LAMA2: variants seen among roughly 807,000 people sequenced by gnomAD.
LAMA2 encodes the protein laminin subunit alpha 2, also known as laminin subunit alpha-2.
A neutral mutation model predicts 364.8 loss-of-function variants in LAMA2; 269 were observed. The ratio of observed to expected loss-of-function variants is 0.74; its 90% CI spans 0.67 to 0.82. The LOEUF is 0.82. LAMA2 is among the 40% of genes least tolerant of loss of function. The pLI, the probability that LAMA2 is intolerant of heterozygous loss-of-function variation, is 0.00. For synonymous variants in LAMA2, 1,379 were observed against 1,370.6 expected, an observed-to-expected ratio of 1.01 and a Z score of -0.14; for missense variants, 3,807 against 3,873.2, an observed-to-expected ratio of 0.98 and a Z score of 0.45.
chr6:129,022,230 G>C (rs528887922), intron 1 of LAMA2, among the ~76,000 whole-genome samples: 87 of 152,290 alleles, frequency 5.7e-4, no homozygotes, highest in African/African-American at 1.9e-3. Context: ...AGAAAAGAAA[G>C]CAATCTTTCA....
chr6:129,060,659 AGGTCAT>A (rs1788841859), intron 3 of LAMA2, among the ~76,000 whole-genome samples: 1 of 152,190 alleles, frequency 6.6e-6, no homozygotes, highest in African/African-American at 2.4e-5. Flanking sequence ...TACACTGTAA[AGGTCAT>A]GGTTTTTATA....
intron 9 of LAMA2, among the ~76,000 whole-genome samples, chr6:129,173,312 A>G (rs997936688): frequency 1.3e-5 from 2 of 152,358 alleles, no homozygotes; most frequent in South Asian, 2.1e-4. Context: ...GAAGAAATGT[A>G]TCATTCACAA....
Position 129,453,279 on chromosome 6 carries a change from C to A in LAMA2, c.6573+148C>A, listed in dbSNP as rs1782781935. 6.8e-6 allele frequency: 5 copies of A among 738,968 alleles called. No homozygotes were observed. In the Admixed American group the frequency reaches 1.1e-4, roughly 17 times the overall value. 45.8% of individuals were successfully genotyped at this position (738,968 alleles called of 1,614,324 possible). On this transcript the variant is annotated intron_variant, in intron 46 of 64. Coordinates refer to ENST00000421865, the MANE Select transcript of LAMA2 (RefSeq NM_000426.4). The stretch of plus-strand genomic sequence containing the variant: ...TTGAAAACCTCAACGTCTTACCTTA[C>A]AAAATTCTGAAGAGTCAAATTAAGT...
chr6:129,208,925 A>G (rs1436406932), intron 12 of LAMA2, among the ~76,000 whole-genome samples: 2 of 152,216 alleles, frequency 1.3e-5, no homozygotes, highest in African/African-American at 4.8e-5. Flanking sequence ...ATGATCTGGT[A>G]GGACAGTAAA....
At chr6:129,419,088 G>A (rs2114725814) in intron 40 of LAMA2, among the ~76,000 whole-genome samples, 1 of 151,654 alleles carries the variant, frequency 6.6e-6, no homozygotes, top group South Asian at 2.1e-4. Context: ...CTCTCATTTG[G>A]GTCAATAATT....
At chr6:129,315,049 C>T (rs1311477178) in intron 24 of LAMA2, among the ~76,000 whole-genome samples, 1 of 151,996 alleles carries the variant, frequency 6.6e-6, no homozygotes, top group Non-Finnish European at 1.5e-5. Context: ...GAACCTTGTC[C>T]GGGAAGCATT....
intron 35 of LAMA2, among the ~76,000 whole-genome samples, chr6:129,388,729 A>G (rs543731060): frequency 1.3e-5 from 2 of 152,326 alleles, no homozygotes; most frequent in Admixed American, 6.5e-5. Context: ...AAGAAAAAAC[A>G]TACAGCTTTA....
chr6:129,115,789 G>A (rs549750722), intron 4 of LAMA2, among the ~76,000 whole-genome samples: 33 of 152,164 alleles, frequency 2.2e-4, no homozygotes, highest in African/African-American at 7.7e-4. Context: ...TTTAGTTTCC[G>A]CATCTAAGAA....
chr6:129,296,866 C>A (rs1057490820), intron 20 of LAMA2, among the ~76,000 whole-genome samples: 1 of 152,020 alleles, frequency 6.6e-6, no homozygotes. Context: ...ATTTTTTAAT[C>A]CATCAGCATT....
At chr6:129,317,147 G>C (rs1209832901) in intron 27 of LAMA2, among the ~76,000 whole-genome samples, 1 of 152,066 alleles carries the variant, frequency 6.6e-6, no homozygotes, top group Non-Finnish European at 1.5e-5. Context: ...TATCCAATGG[G>C]ATAAAATGAG....
chr6:129,454,199 C>T lies in LAMA2; in HGVS notation c.6618C>T (p.Phe2206=), dbSNP rs746114691. ...AIEMRKGKVS[F]LWDVGSGVGR... ...AAATGCGTAAAGGCAAAGTCAGCTT[C>T]CTCTGGGATGTTGGATCTGGAGTTG... The change falls in exon 47 of 65, where the codon TTC becomes TTT. Residue 2206 remains phenylalanine, a synonymous_variant. Coordinates refer to ENST00000421865, the MANE Select transcript of LAMA2 (RefSeq NM_000426.4). 4.4e-5 allele frequency: 71 copies of T among 1,612,512 alleles called. 1 individual carries two copies. In the South Asian group the frequency reaches 7.2e-4, roughly 16 times the overall value.
chr6:129,302,800 T>C (rs1009746136), intron 22 of LAMA2, among the ~76,000 whole-genome samples: 3 of 151,268 alleles, frequency 2.0e-5, no homozygotes, highest in Non-Finnish European at 2.9e-5. Flanking sequence ...TTCTGGACTC[T>C]TTTCTGCTTC....
At chr6:129,165,045 A>T (rs751864571) in intron 8 of LAMA2, among the ~76,000 whole-genome samples, 2 of 152,162 alleles carry the variant, frequency 1.3e-5, no homozygotes, top group Non-Finnish European at 2.9e-5. Flanking sequence ...GTTAATTGAG[A>T]TTCAGTGAGG....
chr6:128,950,022 A>G (rs1316148379), intron 1 of LAMA2, among the ~76,000 whole-genome samples: 2 of 152,128 alleles, frequency 1.3e-5, no homozygotes, highest in Non-Finnish European at 2.9e-5. Context: ...AATATATGTA[A>G]ATACTATGTG....
At chr6:129,199,558 G>T (rs1583231842) in intron 12 of LAMA2, among the ~76,000 whole-genome samples, 1 of 152,100 alleles carries the variant, frequency 6.6e-6, no homozygotes, top group Non-Finnish European at 1.5e-5. Context: ...ACTTATAGAT[G>T]ATATACTTAT....
intron 1 of LAMA2, among the ~76,000 whole-genome samples, chr6:129,027,892 A>G (rs561357409): frequency 1.3e-5 from 2 of 151,932 alleles, no homozygotes; most frequent in South Asian, 2.1e-4. Context: ...ATGATATACT[A>G]TACTTGAAAT....
intron 14 of LAMA2, among the ~76,000 whole-genome samples, chr6:129,255,404 T>TTAAA (rs1355029872): frequency 2.0e-4 from 4 of 20,004 alleles, no homozygotes; most frequent in Middle Eastern, 0.033. Flanking sequence ...AGACTCTGTC[T>TTAAA]CAAAAAAAAA....
At chr6:129,059,748 T>A in intron 2 of LAMA2, 36 bp from the exon 3 acceptor site, 1 of 1,308,038 alleles carries the variant, frequency 7.6e-7, no homozygotes, top group Non-Finnish European at 1.1e-6. Context: ...TATGATCTTT[T>A]CTTCTTCCTT....
At chr6:129,190,419 A>G in intron 11 of LAMA2, 74 bp downstream of exon 11, 1 of 1,467,608 alleles carries the variant, frequency 6.8e-7, no homozygotes, top group South Asian at 1.2e-5. Flanking sequence ...GTTCTTTTGT[A>G]TGAACAGTTT....
Sources: allele counts gnomAD v4.1 joint callset (sites outside exome capture counted in the v4.1 genomes callset), GRCh38; gene constraint gnomAD v4.1.1; transcripts MANE v1.5; gene names NCBI Gene and HGNC (gene_info 2026-07-23, HGNC 2026-07-21).